The following SETBP1 variants were observed in gnomAD, a reference collection of about 807,000 sequenced individuals.
SETBP1 encodes the protein SET-binding protein.
In SETBP1, 9 loss-of-function variants were observed where a neutral mutation model predicts 101.0. The ratio of observed to expected loss-of-function variants is 0.09; its 90% confidence interval spans 0.05 to 0.16. The LOEUF (loss-of-function observed/expected upper bound fraction) is 0.16, where lower values mean the gene tolerates loss of function less well. SETBP1 is among the 10% of genes least tolerant of loss of function. The pLI is 1.00. For missense variants in SETBP1, 1,858 were observed against 2,033.8 expected (o/e 0.91, Z 1.66); for synonymous variants, 818 against 788.5 (o/e 1.04, Z -0.63).
At chr18:44,912,732 C>T (rs2070341853) in intron 3 of SETBP1, among the ~76,000 whole-genome samples, 1 of 152,082 alleles carries the variant, frequency 6.6e-6, no homozygotes. Flanking sequence ...CTTTTCTTTA[C>T]AGTAACTTTT....
At chr18:44,795,091 A>G (rs995029591) in intron 2 of SETBP1, among the ~76,000 whole-genome samples, 2 of 152,224 alleles carry the variant, frequency 1.3e-5, no homozygotes, top group Non-Finnish European at 2.9e-5. Flanking sequence ...TAAATCTAGT[A>G]TAAAATAGCA....
intron 2 of SETBP1, among the ~76,000 whole-genome samples, chr18:44,835,964 G>A (rs1356743473): frequency 6.6e-6 from 1 of 152,190 alleles, no homozygotes; most frequent in African/African-American, 2.4e-5. Flanking sequence ...TGGAATTAAG[G>A]CCTCTTTCTG....
chr18:44,905,897 C>T (rs1201731971), intron 3 of SETBP1, among the ~76,000 whole-genome samples: 1 of 152,190 alleles, frequency 6.6e-6, no homozygotes, highest in Non-Finnish European at 1.5e-5. Context: ...TGCCTCCATG[C>T]CAGAAAGTTT....
chr18:45,052,894 G>T (rs1415086881), intron 5 of SETBP1, among the ~76,000 whole-genome samples: 1 of 152,116 alleles, frequency 6.6e-6, no homozygotes, highest in Non-Finnish European at 1.5e-5. Flanking sequence ...CTAAAAATCT[G>T]AGAACTCTTT....
At chr18:44,844,879 A>C (rs1468592090) in intron 2 of SETBP1, among the ~76,000 whole-genome samples, 1 of 152,226 alleles carries the variant, frequency 6.6e-6, no homozygotes, top group Non-Finnish European at 1.5e-5. Context: ...GCTTGGCATC[A>C]GGCCGGTAGA....
At chr18:45,056,146 C>T (rs1301641826) in intron 5 of SETBP1, among the ~76,000 whole-genome samples, 1 of 152,170 alleles carries the variant, frequency 6.6e-6, no homozygotes, top group Non-Finnish European at 1.5e-5. Context: ...AATGGCAACT[C>T]ATGTATACAG....
intron 2 of SETBP1, among the ~76,000 whole-genome samples, 195 bp from the exon 3 acceptor site, chr18:44,869,035 G>A (rs1024673292): frequency 6.6e-6 from 1 of 152,148 alleles, no homozygotes; most frequent in Non-Finnish European, 1.5e-5. Flanking sequence ...AAGTGATGAA[G>A]TCAGAGATGG....
At chr18:44,992,853 G>A (rs1346201616) in intron 4 of SETBP1, among the ~76,000 whole-genome samples, 1 of 151,686 alleles carries the variant, frequency 6.6e-6, no homozygotes, top group Non-Finnish European at 1.5e-5. Context: ...CACAGAATGA[G>A]AAAAAAGAAA....
At chr18:44,924,175 G>A (rs888572210) in intron 3 of SETBP1, among the ~76,000 whole-genome samples, 1 of 152,158 alleles carries the variant, frequency 6.6e-6, no homozygotes, top group Non-Finnish European at 1.5e-5. Flanking sequence ...CACTAAGAGG[G>A]CAACTGCCAT....
At chr18:44,999,774 G>A (rs551219320) in intron 4 of SETBP1, among the ~76,000 whole-genome samples, 172 of 152,290 alleles carry the variant, frequency 1.1e-3, no homozygotes, top group Admixed American at 2.7e-3. Context: ...AACAGCACAC[G>A]TAATTATTTT....
At chr18:44,912,584 A>AT (rs2144888632) in intron 3 of SETBP1, among the ~76,000 whole-genome samples, 1 of 151,936 alleles carries the variant, frequency 6.6e-6, no homozygotes, top group East Asian at 1.9e-4. Flanking sequence ...TGCCCGGCTA[A>AT]TTTTTTGTAT....
At chr18:44,916,855 T>C (rs977920973) in intron 3 of SETBP1, among the ~76,000 whole-genome samples, 1 of 152,178 alleles carries the variant, frequency 6.6e-6, no homozygotes, top group African/African-American at 2.4e-5. Flanking sequence ...TTTACAGGGA[T>C]GTTGGGTGGT....
At chr18:44,777,210 G>A (rs755411390) in intron 2 of SETBP1, among the ~76,000 whole-genome samples, 2 of 152,120 alleles carry the variant, frequency 1.3e-5, no homozygotes, top group East Asian at 1.9e-4. Context: ...CCAGCTACTC[G>A]GGAGGCTGAG....
At chr18:45,035,943 A>T (rs1217109282) in intron 4 of SETBP1, among the ~76,000 whole-genome samples, 1 of 152,208 alleles carries the variant, frequency 6.6e-6, no homozygotes, top group Non-Finnish European at 1.5e-5. Context: ...CCCAGTGCCC[A>T]TAGGCTTCTG....
At position 44,981,673 on chromosome 18, in the gene SETBP1, A is replaced by AC. The variant is rs1274599590; in HGVS notation, c.4000+28334dup. Among the ~76,000 whole-genome samples the AC allele has an allele frequency of 1.1e-4, 17 of 152,336 alleles. 1 individual carries two copies. The East Asian group carries it at 3.1e-3, about 28-fold the overall frequency. On this transcript the variant is annotated intron_variant, in intron 4 of 5. Coordinates refer to ENST00000649279, the MANE Select transcript of SETBP1 (RefSeq NM_015559.3). ...GCTGCCTTGCCCACATTTACCTTTTACATCAGAACCACTCAGTGAATCTAC... is the reference window on the plus strand; with the variant it reads ...GCTGCCTTGCCCACATTTACCTTTTACCATCAGAACCACTCAGTGAATCTAC...
At chr18:44,970,771 G>A (rs1276915734) in intron 4 of SETBP1, among the ~76,000 whole-genome samples, 12 of 151,886 alleles carry the variant, frequency 7.9e-5, no homozygotes, top group Admixed American at 7.9e-4. Context: ...GGCTGGTCTC[G>A]AACTCCTGAA....
In SETBP1 at chr18:44,737,666, C is replaced by T. The variant is rs898060729; in HGVS notation, c.486+35834C>T. Among the ~76,000 whole-genome samples, 4 of 152,180 alleles carry T rather than the reference C, an allele frequency of 2.6e-5. No homozygotes were observed. The East Asian group carries it at 7.7e-4, about 29-fold the overall frequency. On this transcript the variant is annotated intron_variant, in intron 2 of 5. Transcript: ENST00000649279. ...CTGTCTGTAGGATGAAGGCATTAGGCTACATAATCTCAGAGTTTAAAGCTA... is the reference window on the plus strand; with the variant it reads ...CTGTCTGTAGGATGAAGGCATTAGGTTACATAATCTCAGAGTTTAAAGCTA...
At chr18:44,966,429 C>T (rs1219019474) in intron 4 of SETBP1, among the ~76,000 whole-genome samples, 2 of 152,190 alleles carry the variant, frequency 1.3e-5, no homozygotes, top group Admixed American at 6.6e-5. Flanking sequence ...ATTTTCTTAC[C>T]CATTCTGGCA....
At chr18:44,840,118 G>A (rs1568174108) in intron 2 of SETBP1, among the ~76,000 whole-genome samples, 1 of 150,816 alleles carries the variant, frequency 6.6e-6, no homozygotes, top group Non-Finnish European at 1.5e-5. Flanking sequence ...AGAGCACCCT[G>A]CACCCTGCCA....
Sources: allele counts gnomAD v4.1 joint callset (sites outside exome capture counted in the v4.1 genomes callset), GRCh38; gene constraint gnomAD v4.1.1; transcripts MANE v1.5; gene names NCBI Gene and HGNC (gene_info 2026-07-23, HGNC 2026-07-21).